Variants in SEMA4A observed in about 807,000 individuals in gnomAD.
The protein encoded by SEMA4A is semaphorin 4A.
In SEMA4A, 52 loss-of-function variants were observed where a neutral mutation model predicts 72.5. The ratio of observed to expected loss-of-function variants is 0.72; its 90% CI spans 0.57 to 0.90. The LOEUF is 0.90. SEMA4A is among the 40% of genes least tolerant of loss of function. The probability of loss-of-function intolerance (pLI) is 0.00; values close to 1 mark genes in which losing one functional copy is unlikely to be tolerated. For synonymous variants in SEMA4A, 369 were observed against 393.1 expected, an observed-to-expected ratio of 0.94 and a Z score of 0.73; for missense variants, 926 against 959.7, an observed-to-expected ratio of 0.96 and a Z score of 0.46.
intron 10 of SEMA4A, among the ~76,000 whole-genome samples, chr1:156,171,887 G>A (rs1437323655): frequency 6.6e-6 from 1 of 151,662 alleles, no homozygotes; most frequent in Admixed American, 6.6e-5. Context: ...GGGTTCAAGC[G>A]ATTCTCCTGT....
intron 12 of SEMA4A, 46 bp from the exon 13 acceptor site, chr1:156,175,040 A>G (rs372395239): frequency 9.9e-6 from 16 of 1,614,022 alleles, no homozygotes; most frequent in Non-Finnish European, 1.3e-5. Context: ...CTGGGACTTT[A>G]CTAGATGTGG....
chr1:156,156,318 C>A, intron 2 of SEMA4A, 96 bp from the exon 3 acceptor site: 2 of 1,233,290 alleles, frequency 1.6e-6, no homozygotes, highest in Non-Finnish European at 2.4e-6. Flanking sequence ...GGGGAGCACA[C>A]TCAGGCAACC....
chr1:156,171,269 T>C (rs565243854), intron 10 of SEMA4A, among the ~76,000 whole-genome samples: 12 of 152,314 alleles, frequency 7.9e-5, no homozygotes, highest in African/African-American at 2.9e-4. Flanking sequence ...ACAAGGATCC[T>C]GACTGAAGAT....
At chr1:156,163,265 CA>C in intron 10 of SEMA4A, 171 bp downstream of exon 10, 1 of 716,138 alleles carries the variant, frequency 1.4e-6, no homozygotes, top group Non-Finnish European at 2.4e-6. Context: ...ATGTGCCTAG[CA>C]CCCTTTTATA....
intron 3 of SEMA4A, among the ~76,000 whole-genome samples, chr1:156,156,917 A>G (rs1653097399): frequency 6.6e-6 from 1 of 151,880 alleles, no homozygotes; most frequent in African/African-American, 2.4e-5. Flanking sequence ...ATTTTAATAG[A>G]GACGAGATTT....
chr1:156,154,547 C>T lies in SEMA4A; in HGVS notation c.-29-3C>T. 6.2e-7 allele frequency: 1 copy of T among 1,602,376 alleles called. No individual in the cohort carries two copies. On this transcript the variant is annotated splice_region_variant and splice_polypyrimidine_tract_variant and intron_variant, in intron 1 of 14. Transcript: ENST00000368285. Reference sequence around the variant, plus strand: ...GAAAGTGCCCGGGTGCCTGTTTCCCCAGAGCTCCCTGGTGACAGTCTGTGG... The same window carrying T: ...GAAAGTGCCCGGGTGCCTGTTTCCCTAGAGCTCCCTGGTGACAGTCTGTGG...
At chr1:156,167,267 T>C (rs1010700700) in intron 10 of SEMA4A, among the ~76,000 whole-genome samples, 3 of 151,424 alleles carry the variant, frequency 2.0e-5, no homozygotes, top group Non-Finnish European at 4.4e-5. Context: ...GGTGGAAGGA[T>C]TGTTTGAGCC....
chr1:156,174,827 G>C lies in SEMA4A; in HGVS notation c.1321G>C (p.Gly441Arg), dbSNP rs754721429. The C allele has an allele frequency of 6.2e-7, 1 of 1,614,218 alleles. No individual in the cohort carries two copies. Among genetic ancestry groups the C allele is most frequent in the Non-Finnish European group, 8.5e-7 (1 of 1,180,044 alleles). ...HLVMYLGTTTGSLHKAVVSGD... is the reference protein window; with the variant it reads ...HLVMYLGTTTRSLHKAVVSGD... ...CTCTCTCTGTCTCCCCATAGCCACA[G>C]GGTCGCTCCACAAGGCTGTGGTAAG... The change falls in exon 12 of 15, where the codon GGG (glycine) becomes CGG (arginine). Residue 441 changes from glycine (G) to arginine (R), a missense_variant. By Grantham distance (125) the Gly-to-Arg change is moderately radical. Coordinates refer to ENST00000368285, the MANE Select transcript of SEMA4A (RefSeq NM_022367.4).
At chr1:156,148,788 CTTT>C (rs1652296183), upstream of SEMA4A, among the ~76,000 whole-genome samples, 1 of 149,514 alleles carries the variant, frequency 6.7e-6, no homozygotes, top group African/African-American at 2.5e-5. Flanking sequence ...CTGGAAGGGG[CTTT>C]TTCTTTTTTC....
At position 156,175,531 on chromosome 1, in the gene SEMA4A, A is replaced by G; in HGVS notation, c.1593-25A>G. ...CCACTTTCAGCTCTTTTGAAGGATA[A>G]TTTTTACTTTCTCTGCTCTCTTAGG... On this transcript the variant is annotated intron_variant, in intron 13 of 14. Transcript: ENST00000368285. 2.5e-6 allele frequency: 4 copies of G among 1,583,118 alleles called. No homozygotes were observed. In the South Asian group the frequency reaches 3.4e-5, roughly 13 times the overall value.
At chr1:156,173,106 C>G (rs1558161541) in intron 11 of SEMA4A, 100 bp downstream of exon 11, 2 of 1,210,254 alleles carry the variant, frequency 1.7e-6, no homozygotes, top group East Asian at 5.1e-5. Flanking sequence ...ATTCATTCAA[C>G]AACTGTTTAC....
rs546581246 is a variant in SEMA4A, at chr1:156,156,577, G to A, written c.300+3G>A. 8 of 1,613,704 alleles carry A rather than the reference G, an allele frequency of 5.0e-6. No individual in the cohort carries two copies. The highest frequency in any genetic ancestry group is 5.9e-6 in the Non-Finnish European group (7 of 1,179,940). ...GGGTCCCCAGGCTAAAGAACATGGT[G>A]AGGAGTCCAGGGATAAAGAGTGTGG... On this transcript the variant is annotated splice_donor_region_variant and intron_variant, in intron 3 of 14. Transcript: ENST00000368285.
chr1:156,163,992 T>C (rs542266040), intron 10 of SEMA4A, among the ~76,000 whole-genome samples: 69 of 145,664 alleles, frequency 4.7e-4, no homozygotes, highest in South Asian at 1.1e-3. Flanking sequence ...ATCACGAGAA[T>C]GCACTCCAGC....
In SEMA4A at chr1:156,175,254, G is replaced by A; in HGVS notation, c.1592+11G>A. The A allele has an allele frequency of 1.2e-6, 2 of 1,604,680 alleles. No individual in the cohort carries two copies. Among genetic ancestry groups the A allele is most frequent in the African/African-American group, 1.3e-5 (1 of 74,864 alleles). On this transcript the variant is annotated intron_variant, in intron 13 of 14. Transcript: ENST00000368285. Reference sequence around the variant, plus strand: ...GTCTGCCCCCAACCTGTGAGTGCCAGTCCTGGATGGTGGCCTGGATGGCCA... The same window carrying A: ...GTCTGCCCCCAACCTGTGAGTGCCAATCCTGGATGGTGGCCTGGATGGCCA...
chr1:156,161,309 C>CGGGGGGGGGGGGGGGGG, intron 8 of SEMA4A, 37 bp from the exon 9 acceptor site: 11 of 1,302,402 alleles, frequency 8.4e-6, no homozygotes, highest in East Asian at 8.4e-5. Context: ...GGGGTCGGGG[C>CGGGGGGGGGGGGGGGGG]GCCCGGGGCG....
chr1:156,149,839 C>A (rs189365003), upstream of SEMA4A: 1 of 152,152 alleles, frequency 6.6e-6, no homozygotes, highest in Non-Finnish European at 1.5e-5. Context: ...CATCTGGAGC[C>A]CCTCCTCCTC....
At chr1:156,150,951 C>T (rs116147918), upstream of SEMA4A, among the ~76,000 whole-genome samples, 1,244 of 152,200 alleles carry the variant, frequency 8.2e-3, 8 homozygotes, top group Non-Finnish European at 0.012. Context: ...GAAAATGACA[C>T]GGCCCCTGTG....
chr1:156,165,944 T>C (rs905635055), intron 10 of SEMA4A, among the ~76,000 whole-genome samples: 1 of 146,874 alleles, frequency 6.8e-6, no homozygotes, highest in Admixed American at 6.9e-5. Flanking sequence ...TCTTGCTGTG[T>C]CCCCCAGGCT....
In SEMA4A at chr1:156,160,493, A is replaced by T. The variant is rs1653485831; in HGVS notation, c.619A>T (p.Ile207Phe). The T allele has an allele frequency of 6.2e-7, 1 of 1,613,990 alleles. No individual in the cohort carries two copies. The highest frequency in any genetic ancestry group is 1.1e-5 in the South Asian group (1 of 91,082). ...GAACAACTTCCTGGGCAGTGAGCCC[A>T]TCCTGATGCGCACACTGGGATCCCA... ...TMNNFLGSEP[I>F]LMRTLGSQPV... Residue 207 changes from isoleucine (I) to phenylalanine (F), a missense_variant, in exon 7 of 15, where the codon ATC (isoleucine) becomes TTC (phenylalanine). Coordinates refer to ENST00000368285, the MANE Select transcript of SEMA4A (RefSeq NM_022367.4).
Sources: gnomAD v4.1 joint callset for allele counts (sites outside exome capture counted in the v4.1 genomes callset) on GRCh38, gnomAD v4.1.1 for gene constraint, MANE v1.5 for transcripts, NCBI Gene and HGNC (gene_info 2026-07-23, HGNC 2026-07-21) for gene names.